ACVR2B: variants seen among roughly 807,000 people sequenced by gnomAD.
The protein encoded by ACVR2B is activin A receptor type 2B.
A neutral mutation model predicts 65.1 loss-of-function variants in ACVR2B; 18 were observed. The ratio of observed to expected loss-of-function variants is 0.28; its 90% confidence interval spans 0.19 to 0.41. The LOEUF is 0.41. ACVR2B is among the 10% of genes least tolerant of loss of function. The pLI, the probability that ACVR2B is intolerant of heterozygous loss-of-function variation, is 1.00. For synonymous variants in ACVR2B, 298 were observed against 277.7 expected, an observed-to-expected ratio of 1.07 and a Z score of -0.73; for missense variants, 482 against 682.7, an observed-to-expected ratio of 0.71 and a Z score of 3.28.
Position 38,492,689 on chromosome 3 carries a change from C to A in ACVR2B, c.*9357C>A, listed in dbSNP as rs2059819819. ...ACAGAGTTAAGCTTGTTGCTGTTAC[C>A]CTGTCTGGATTTGAAAAGTGTGCTG... On this transcript the variant is annotated 3_prime_UTR_variant, in exon 11 of 11. Transcript: ENST00000352511. 7.0e-6 allele frequency: 1 copy of A among 142,810 alleles called. No individual in the cohort carries two copies. The highest frequency in any genetic ancestry group is 7.2e-5 in the Admixed American group (1 of 13,958). The allele number at this position is 142,810 out of a possible 1,614,324, so 8.8% of individuals were successfully genotyped here.
At position 38,477,405 on chromosome 3, in the gene ACVR2B, G is replaced by A; in HGVS notation, c.171G>A (p.Leu57=). 1 of 1,614,192 alleles carries A rather than the reference G, an allele frequency of 6.2e-7. No individual in the cohort carries two copies. Among genetic ancestry groups the A allele is most frequent in the South Asian group, 1.1e-5 (1 of 91,086 alleles). ...GCGAAGGCGAGCAGGACAAGCGGCT[G>A]CACTGCTACGCCTCCTGGCGCAACA... is the stretch of plus-strand genomic sequence containing the variant. The part of the protein sequence containing the change: ...ERCEGEQDKR[L]HCYASWRNSS... Residue 57 remains leucine (L), a synonymous_variant, in exon 2 of 11, where the codon CTG becomes CTA. Coordinates refer to ENST00000352511, the MANE Select transcript of ACVR2B (RefSeq NM_001106.4). The surrounding 1 kb of genome is among the most constrained non-coding windows in gnomAD (Gnocchi z 6.7).
At chr3:38,479,597 T>C (rs773880145) in intron 6 of ACVR2B, 81 bp from the exon 7 acceptor site, 193 of 1,539,154 alleles carry the variant, frequency 1.3e-4, no homozygotes, top group Non-Finnish European at 1.7e-4. Context: ...ATTGGCCCAC[T>C]GAGACTTCTC....
At position 38,481,568 on chromosome 3, in the gene ACVR2B, G is replaced by A; in HGVS notation, c.1074+103G>A. The A allele has an allele frequency of 1.1e-6, 1 of 888,164 alleles. No individual in the cohort carries two copies. Among genetic ancestry groups the A allele is most frequent in the Non-Finnish European group, 1.9e-6 (1 of 533,362 alleles). 55.0% of individuals were successfully genotyped at this position (888,164 alleles called of 1,614,324 possible). On this transcript the variant is annotated intron_variant, in intron 8 of 10. Transcript: ENST00000352511. This position sits in a 1 kb window ranked among gnomAD's most constrained non-coding sequence, Gnocchi z 4.7. ...GGTGCAGGGATGAGGGTGACTGCAT[G>A]CGTTCAGAGCTGTCTGAGAACTTAG...
chr3:38,463,584 T>C (rs541850635), intron 1 of ACVR2B, among the ~76,000 whole-genome samples: 3 of 152,334 alleles, frequency 2.0e-5, no homozygotes, highest in African/African-American at 7.2e-5. Flanking sequence ...AGTCTTGTTC[T>C]TCAGCTTGCT....
At chr3:38,473,079 G>T (rs1387978536) in intron 1 of ACVR2B, among the ~76,000 whole-genome samples, 1 of 152,180 alleles carries the variant, frequency 6.6e-6, no homozygotes, top group Non-Finnish European at 1.5e-5. Flanking sequence ...GTATGTGGGA[G>T]TGGTCCTGCC....
intron 1 of ACVR2B, among the ~76,000 whole-genome samples, chr3:38,469,817 A>G (rs984026846): frequency 5.9e-5 from 9 of 152,240 alleles, no homozygotes; most frequent in Non-Finnish European, 1.0e-4. Context: ...AGAAATAACA[A>G]ATGTCAGAAG....
At position 38,479,184 on chromosome 3, in the gene ACVR2B, C is replaced by G; in HGVS notation, c.723C>G (p.His241Gln). Residue 241 changes from histidine (H) to glutamine (Q), a missense_variant, in exon 6 of 11, where the codon CAC becomes CAG. By Grantham distance (24) the His-to-Gln change is conservative. Coordinates refer to ENST00000352511, the MANE Select transcript of ACVR2B (RefSeq NM_001106.4). Reference protein sequence around the residue: ...REIFSTPGMKHENLLQFIAAE... With the variant: ...REIFSTPGMKQENLLQFIAAE... ...TCTTCAGCACACCTGGCATGAAGCA[C>G]GAGAACCTGCTACAGTTCATTGCTG... 6.2e-7 allele frequency: 1 copy of G among 1,614,168 alleles called. No individual in the cohort carries two copies. Among genetic ancestry groups the G allele is most frequent in the Non-Finnish European group, 8.5e-7 (1 of 1,180,028 alleles).
At position 38,481,277 on chromosome 3, in the gene ACVR2B, T is replaced by G; in HGVS notation, c.960-74T>G. On this transcript the variant is annotated intron_variant, in intron 7 of 10. Transcript: ENST00000352511. This position sits in a 1 kb window ranked among gnomAD's most constrained non-coding sequence, Gnocchi z 4.7. ...TGGGGCCTGACTCTAGGGCACAGAC[T>G]CTAGTATCTTGGGAACCAAGGTGGG... 2 of 1,282,306 alleles carry G rather than the reference T, an allele frequency of 1.6e-6. No homozygotes were observed. The highest frequency in any genetic ancestry group is 2.3e-6 in the Non-Finnish European group (2 of 879,768). The allele number at this position is 1,282,306 out of a possible 1,614,324, so 79.4% of individuals were successfully genotyped here. A position where few individuals can be genotyped will look rare whatever the true frequency, so the allele number is the denominator to read the frequency against.
intron 10 of ACVR2B, 22 bp downstream of exon 10, chr3:38,482,582 A>G (rs1187286299): frequency 6.2e-7 from 1 of 1,606,942 alleles, no homozygotes; most frequent in Non-Finnish European, 8.5e-7. Context: ...GGTTCAGGCA[A>G]CTTTGCAGGG....
Position 38,479,718 on chromosome 3 carries a change from GGAAC to G in ACVR2B, c.856_859del (p.Glu286CysfsTer4). ...TACCTCAAGGGGAACATCATCACATGGAACGAACTGTGTCATGTAGCAGAGACGA... is the reference window on the plus strand; with the variant it reads ...TACCTCAAGGGGAACATCATCACATGGAACTGTGTCATGTAGCAGAGACGA... On this transcript the variant is annotated frameshift_variant, in exon 7 of 11. Coordinates refer to ENST00000352511, the MANE Select transcript of ACVR2B (RefSeq NM_001106.4). LOFTEE classifies it high-confidence loss of function. 1 of 1,614,206 alleles carries G rather than the reference GGAAC, an allele frequency of 6.2e-7. No homozygotes were observed. Among genetic ancestry groups the G allele is most frequent in the South Asian group, 1.1e-5 (1 of 91,078 alleles).
At chr3:38,466,433 T>C (rs1292103394) in intron 1 of ACVR2B, among the ~76,000 whole-genome samples, 1 of 152,206 alleles carries the variant, frequency 6.6e-6, no homozygotes, top group African/African-American at 2.4e-5. Context: ...TTACGCAGTG[T>C]ATATATGTAT....
intron 1 of ACVR2B, among the ~76,000 whole-genome samples, chr3:38,457,202 C>CA (rs35271460): frequency 0.43 from 64,376 of 150,928 alleles, 15,852 homozygotes; most frequent in Non-Finnish European, 0.57. Context: ...GGCTCCGTCT[C>CA]AAAAAAAAAG....
At chr3:38,457,271 C>G (rs947600159) in intron 1 of ACVR2B, among the ~76,000 whole-genome samples, 3 of 152,192 alleles carry the variant, frequency 2.0e-5, no homozygotes, top group African/African-American at 2.4e-5. Flanking sequence ...AGTATTAAAA[C>G]GAGACATTTT....
In ACVR2B at chr3:38,477,087, G is replaced by A. The variant is rs1709924143; in HGVS notation, c.53-200G>A. On this transcript the variant is annotated intron_variant, in intron 1 of 10. Transcript: ENST00000352511. This position sits in a 1 kb window ranked among gnomAD's most constrained non-coding sequence, Gnocchi z 6.7. ...GGGCTGCAGAATGAGGTGGGGGCTG[G>A]TGCCAGCTGGCACACGTAAATTAAG... The A allele has an allele frequency of 1.6e-6, 1 of 620,798 alleles. No homozygotes were observed. 38.5% of individuals were successfully genotyped at this position (620,798 alleles called of 1,614,324 possible). A position where few individuals can be genotyped will look rare whatever the true frequency, so the allele number is the denominator to read the frequency against.
Position 38,492,731 on chromosome 3 carries a change from T to TACACAC in ACVR2B, c.*9467_*9472dup, listed in dbSNP as rs55986551. ...AGTGTGCTGATTTATATATATATATTACACACACACACACACACACACACA... is the reference window on the plus strand; with the variant it reads ...AGTGTGCTGATTTATATATATATATTACACACACACACACACACACACACACACACA... On this transcript the variant is annotated 3_prime_UTR_variant, in exon 11 of 11. Coordinates refer to ENST00000352511, the MANE Select transcript of ACVR2B (RefSeq NM_001106.4). The TACACAC allele has an allele frequency of 1.3e-3, 159 of 124,842 alleles. 1 individual carries two copies. Among genetic ancestry groups the TACACAC allele is most frequent in the East Asian group, 2.0e-3 (8 of 4,062 alleles). The allele number at this position is 124,842 out of a possible 1,614,324, so 7.7% of individuals were successfully genotyped here.
At chr3:38,472,769 T>C (rs1437454732) in intron 1 of ACVR2B, among the ~76,000 whole-genome samples, 3 of 152,156 alleles carry the variant, frequency 2.0e-5, no homozygotes, top group Admixed American at 2.0e-4. Context: ...ACTCCACCTC[T>C]GAACCATCTC....
chr3:38,454,129 G>C lies in ACVR2B; in HGVS notation c.-194G>C. 4.3e-6 allele frequency: 1 copy of C among 234,364 alleles called. No homozygotes were observed. The highest frequency in any genetic ancestry group is 2.3e-5 in the African/African-American group (1 of 42,722). 14.5% of individuals were successfully genotyped at this position (234,364 alleles called of 1,614,324 possible). Reference sequence around the variant, plus strand: ...AGCCTGCGCCGCCCGCAGCGGCCCTGAGCCCGGCCCCGCCGACCGGCCCTT... The same window carrying C: ...AGCCTGCGCCGCCCGCAGCGGCCCTCAGCCCGGCCCCGCCGACCGGCCCTT... On this transcript the variant is annotated 5_prime_UTR_variant, in exon 1 of 11. An upstream open reading frame in the 5' UTR loses its in-frame stop. Transcript: ENST00000352511.
chr3:38,483,676 G>C lies in ACVR2B; in HGVS notation c.*344G>C, dbSNP rs958404844. On this transcript the variant is annotated 3_prime_UTR_variant, in exon 11 of 11. Transcript: ENST00000352511. The surrounding 1 kb of genome is among the most constrained non-coding windows in gnomAD (Gnocchi z 4.8). ...GATTCGTTTTTCCCGCTTTCTCTTT[G>C]TTTGTCGTCTCAGAATCTGTGACAC... The C allele has an allele frequency of 1.3e-5, 2 of 154,338 alleles. No individual in the cohort carries two copies. Among genetic ancestry groups the C allele is most frequent in the Non-Finnish European group, 2.8e-5 (2 of 70,296 alleles). 9.6% of individuals were successfully genotyped at this position (154,338 alleles called of 1,614,324 possible). A position where few individuals can be genotyped will look rare whatever the true frequency, so the allele number is the denominator to read the frequency against.
intron 1 of ACVR2B, chr3:38,454,608 C>T (rs1709510954): frequency 5.7e-6 from 2 of 353,026 alleles, no homozygotes; most frequent in Non-Finnish European, 1.0e-5. Flanking sequence ...CTAGAGGCGC[C>T]CCTGCGATGG....
Sources: gnomAD v4.1 joint callset for allele counts (sites outside exome capture counted in the v4.1 genomes callset) on GRCh38, gnomAD v4.1.1 for gene constraint, Gnocchi (gnomAD v3.1) non-coding constraint, MANE v1.5 for transcripts, NCBI Gene and HGNC (gene_info 2026-07-23, HGNC 2026-07-21) for gene names.